RGL3: variants seen among roughly 807,000 people sequenced by gnomAD.
RGL3 encodes the protein ral guanine nucleotide dissociation stimulator-like 3.
In RGL3, 85 loss-of-function variants were observed where a neutral mutation model predicts 90.6. That is an observed-to-expected ratio of 0.94 (90% CI 0.79 to 1.12). RGL3 has a LOEUF of 1.12. Among genes scored for constraint, RGL3 ranks in the 50% most tolerant of loss-of-function variants. RGL3 has a pLI of 0.00. For missense variants in RGL3, 1,034 were observed against 939.2 expected, an observed-to-expected ratio of 1.10 and a Z score of -1.32; for synonymous variants, 408 against 385.5, an observed-to-expected ratio of 1.06 and a Z score of -0.68.
At position 11,414,514 on chromosome 19, in the gene RGL3, T is replaced by TACACCTTC. The variant is rs1568342056; in HGVS notation, c.637+1422_637+1423insGAAGGTGT. Among the ~76,000 whole-genome samples the TACACCTTC allele has an allele frequency of 2.7e-5, 3 of 110,838 alleles. 1 individual carries two copies. The highest frequency in any genetic ancestry group is 1.1e-4 in the African/African-American group (3 of 26,320). 72.7% of individuals were successfully genotyped at this position (110,838 alleles called of 152,430 possible). On this transcript the variant is annotated intron_variant, in intron 5 of 18. Coordinates refer to ENST00000380456, the MANE Select transcript of RGL3 (RefSeq NM_001035223.4). ...TCATATATATATATATATATATATA[T>TACACCTTC]ATATATATATATATACCTTTATATA...
chr19:11,411,496 A>G (rs527808135), intron 5 of RGL3: 1 of 152,340 alleles, frequency 6.6e-6, no homozygotes, highest in South Asian at 2.1e-4. Context: ...CTGTGGTCCC[A>G]GCTACTCAGG....
intron 5 of RGL3, 42 bp downstream of exon 5, chr19:11,415,895 A>C: frequency 1.3e-6 from 2 of 1,527,326 alleles, no homozygotes; most frequent in South Asian, 1.2e-5. Flanking sequence ...AGCAGACAGG[A>C]AAGGCCTTCT....
At chr19:11,405,898 T>C (rs1968769426) in intron 7 of RGL3, among the ~76,000 whole-genome samples, 1 of 142,542 alleles carries the variant, frequency 7.0e-6, no homozygotes, top group African/African-American at 2.7e-5. Context: ...TTTTTTAATT[T>C]TTTTTTTTTT....
At chr19:11,416,171 A>G in intron 4 of RGL3, 23 bp from the exon 5 acceptor site, 15 of 1,497,438 alleles carry the variant, frequency 1.0e-5, no homozygotes, top group Non-Finnish European at 1.3e-5. Context: ...GCAGGGTCTC[A>G]GAGCTGGGTC....
intron 2 of RGL3, among the ~76,000 whole-genome samples, chr19:11,417,754 G>A (rs1159678653): frequency 6.6e-6 from 1 of 152,030 alleles, no homozygotes; most frequent in African/African-American, 2.4e-5. Context: ...ACAGGCGTGA[G>A]CCACCTCGCC....
chr19:11,414,215 T>TTA (rs58827677), intron 5 of RGL3, among the ~76,000 whole-genome samples: 14 of 74,638 alleles, frequency 1.9e-4, no homozygotes, highest in Admixed American at 3.3e-4. Context: ...ATATATACCT[T>TTA]TATATATATA....
At chr19:11,407,452 C>A (rs1406459043) in intron 5 of RGL3, among the ~76,000 whole-genome samples, 1 of 151,986 alleles carries the variant, frequency 6.6e-6, no homozygotes, top group Non-Finnish European at 1.5e-5. Flanking sequence ...ATTTGTCACA[C>A]CTTTGGTAAA....
chr19:11,402,482 C>T lies in RGL3; in HGVS notation c.1302G>A (p.Leu434=). 1.2e-6 allele frequency: 2 copies of T among 1,604,140 alleles called. No individual in the cohort carries two copies. Among genetic ancestry groups the T allele is most frequent in the Non-Finnish European group, 1.7e-6 (2 of 1,176,110 alleles). ...CCAACATATCCGGCAGGGCTGTGTC[C>T]AGCATAACCAGGTCCGTAAGGAAGG... ...LGTFLTDLVM[L]DTALPDMLEG... Residue 434 remains leucine (L), a synonymous_variant, in exon 11 of 19, where the codon CTG becomes CTA. Coordinates refer to ENST00000380456, the MANE Select transcript of RGL3 (RefSeq NM_001035223.4).
In RGL3 at chr19:11,418,727, G is replaced by A; in HGVS notation, c.91C>T (p.Leu31=). ...TEDGAVYSVS[L]RRQRSQRRSP... is the part of the protein sequence containing the mutation. ...CTGCGCTGACTGCGCTGCCGCCGCA[G>A]GGAGACACTGTACACCGCGCCGTCC... Residue 31 remains leucine, a synonymous_variant, in exon 2 of 19, where the codon CTG becomes TTG. Coordinates refer to ENST00000380456, the MANE Select transcript of RGL3 (RefSeq NM_001035223.4). 6.3e-7 allele frequency: 1 copy of A among 1,578,120 alleles called. No homozygotes were observed. Among genetic ancestry groups the A allele is most frequent in the Non-Finnish European group, 8.6e-7 (1 of 1,166,580 alleles).
chr19:11,417,792 A>T (rs1455886722), intron 2 of RGL3, among the ~76,000 whole-genome samples: 1 of 151,830 alleles, frequency 6.6e-6, no homozygotes, highest in East Asian at 1.9e-4. Context: ...CTTTCATGTG[A>T]TTCCTCTGTC....
chr19:11,402,164 G>GGGGGCC, intron 12 of RGL3, 32 bp from the exon 13 acceptor site: 1 of 1,585,722 alleles, frequency 6.3e-7, no homozygotes, highest in Non-Finnish European at 8.6e-7. Context: ...CCCTACCCCT[G>GGGGGCC]CCCCACCCCC....
intron 5 of RGL3, among the ~76,000 whole-genome samples, chr19:11,413,975 G>C (rs1050333172): frequency 6.7e-6 from 1 of 148,322 alleles, no homozygotes; most frequent in Non-Finnish European, 1.5e-5. Context: ...CTCGATCTCC[G>C]AACCTTGGGA....
At chr19:11,400,334 G>A in intron 13 of RGL3, 37 bp from the exon 14 acceptor site, 1 of 1,508,282 alleles carries the variant, frequency 6.6e-7, no homozygotes, top group Non-Finnish European at 8.9e-7. Flanking sequence ...GGTGGGGGCA[G>A]GAAATACAGG....
In RGL3 at chr19:11,400,229, C is replaced by G. The variant is rs759735640; in HGVS notation, c.1553G>C (p.Arg518Pro). 1.3e-6 allele frequency: 2 copies of G among 1,595,506 alleles called. No homozygotes were observed. Among genetic ancestry groups the G allele is most frequent in the Non-Finnish European group, 1.7e-6 (2 of 1,170,514 alleles). ...SCPSSPRIRR[R>P]ISLTKRLSAK... ...ACTGAGACGCTTGGTGAGGCTGATCCGCCGTCGGATGCGTGGGGAGCTGGG... is the reference window on the plus strand; with the variant it reads ...ACTGAGACGCTTGGTGAGGCTGATCGGCCGTCGGATGCGTGGGGAGCTGGG... Residue 518 changes from arginine (R) to proline (P), a missense_variant, in exon 14 of 19, where the codon CGG (arginine) becomes CCG (proline). Arg to Pro is a moderately radical substitution (Grantham distance 103). Coordinates refer to ENST00000380456, the MANE Select transcript of RGL3 (RefSeq NM_001035223.4).
In RGL3 at chr19:11,394,173, A is replaced by G; in HGVS notation, c.*229T>C. On this transcript the variant is annotated 3_prime_UTR_variant, in exon 19 of 19. Transcript: ENST00000380456. ...ACGTATCCATGCCCCACCTCTTTCT[A>G]CATTTATGGGATTGAGCTCTCCACC... The G allele has an allele frequency of 2.0e-6, 1 of 492,558 alleles. No homozygotes were observed. The highest frequency in any genetic ancestry group is 2.5e-5 in the South Asian group (1 of 39,944). 30.5% of individuals were successfully genotyped at this position (492,558 alleles called of 1,614,324 possible).
intron 5 of RGL3, among the ~76,000 whole-genome samples, chr19:11,409,255 T>C (rs574561554): frequency 1.5e-4 from 22 of 149,130 alleles, no homozygotes; most frequent in African/African-American, 5.5e-4. Flanking sequence ...CCAAGGCGGG[T>C]AGATCACGAG....
At chr19:11,418,147 A>C in intron 2 of RGL3, among the ~76,000 whole-genome samples, 1 of 149,942 alleles carries the variant, frequency 6.7e-6, no homozygotes. Flanking sequence ...CCCCATCCAC[A>C]AATAGCTCCT....
At position 11,419,244 on chromosome 19, in the gene RGL3, A is replaced by G. The variant is rs760094637; in HGVS notation, c.33+2T>C. ...GGGTCCGGGGATCCCTTGTCCCCTT[A>G]CCAGGGCCAGCTCTTTGCCTGCTGT... On this transcript the variant is annotated splice_donor_variant, in intron 1 of 18. Transcript: ENST00000380456. LOFTEE classifies it high-confidence loss of function. 1.0e-5 allele frequency: 16 copies of G among 1,588,208 alleles called. No individual in the cohort carries two copies. The highest frequency in any genetic ancestry group is 1.7e-4 in the Middle Eastern group (1 of 5,878).
chr19:11,396,128 CTCTCTCTCTATA>C (rs1422012944), intron 18 of RGL3, among the ~76,000 whole-genome samples: 7 of 54,898 alleles, frequency 1.3e-4, no homozygotes, highest in African/African-American at 5.0e-4. Flanking sequence ...CTCTCTCTCT[CTCTCTCTCTATA>C]TATATATATA....
Sources: allele counts gnomAD v4.1 joint callset (sites outside exome capture counted in the v4.1 genomes callset), GRCh38; gene constraint gnomAD v4.1.1; transcripts MANE v1.5; gene names NCBI Gene and HGNC (gene_info 2026-07-23, HGNC 2026-07-21).